The following ALDH1A2 variants were observed in gnomAD, a reference collection of about 807,000 sequenced individuals.
The protein encoded by ALDH1A2 is aldehyde dehydrogenase 1 family member A2, also known as retinal dehydrogenase 2.
ALDH1A2 carries 27 observed loss-of-function variants against 60.3 expected under a neutral mutation model. The ratio of observed to expected loss-of-function variants is 0.45; its 90% CI spans 0.33 to 0.62. ALDH1A2 has a LOEUF of 0.62. Among genes scored for constraint, ALDH1A2 ranks in the 20% least tolerant of loss-of-function variants. The pLI is 0.02. For synonymous variants in ALDH1A2, 289 were observed against 232.4 expected (o/e 1.24, Z -2.21); for missense variants, 581 against 643.8 (o/e 0.90, Z 1.06).
At chr15:58,057,493 C>T (rs998266899) in intron 1 of ALDH1A2, among the ~76,000 whole-genome samples, 1 of 152,054 alleles carries the variant, frequency 6.6e-6, no homozygotes, top group African/African-American at 2.4e-5. Context: ...AAATTAGAAG[C>T]AAATACTGCA....
intron 7 of ALDH1A2, among the ~76,000 whole-genome samples, chr15:57,971,452 G>T (rs990373650): frequency 1.3e-5 from 2 of 152,128 alleles, no homozygotes; most frequent in East Asian, 1.9e-4. Flanking sequence ...TTAAGACAGG[G>T]TCTCACTCTC....
intron 7 of ALDH1A2, chr15:57,980,099 A>G: frequency 3.3e-6 from 1 of 303,686 alleles, no homozygotes; most frequent in South Asian, 3.5e-5. Context: ...CACGCCATAC[A>G]CGGTCATGCC....
intron 1 of ALDH1A2, among the ~76,000 whole-genome samples, chr15:58,058,829 T>C (rs1486760964): frequency 3.9e-5 from 6 of 152,164 alleles, no homozygotes; most frequent in African/African-American, 1.2e-4. Flanking sequence ...CTTCCTTCTA[T>C]AATAAAAATT....
chr15:58,051,069 T>C (rs1037632803), intron 1 of ALDH1A2, among the ~76,000 whole-genome samples: 2 of 152,174 alleles, frequency 1.3e-5, no homozygotes, highest in African/African-American at 2.4e-5. Context: ...TATAAGTAGT[T>C]AAAGAAGAAT....
chr15:58,037,506 T>C (rs565874563), intron 1 of ALDH1A2, among the ~76,000 whole-genome samples: 2 of 151,884 alleles, frequency 1.3e-5, no homozygotes, highest in African/African-American at 4.8e-5. Context: ...TAACTAGCTT[T>C]ATTTTTTTTC....
intron 1 of ALDH1A2, among the ~76,000 whole-genome samples, chr15:58,063,799 T>G (rs1320772761): frequency 6.6e-6 from 1 of 152,178 alleles, no homozygotes; most frequent in Non-Finnish European, 1.5e-5. Context: ...CATTTCTGAT[T>G]GTTTTTCTTT....
chr15:58,024,007 C>T lies in ALDH1A2; in HGVS notation c.118-9726G>A, dbSNP rs1031320065. ...ACTGGGAAGGCTGAGGCAGGAGAAT[C>T]GCTTGAACCTGGGAGGTGGAGGTTG... On this transcript the variant is annotated intron_variant, in intron 1 of 12. Transcript: ENST00000249750. Among the ~76,000 whole-genome samples, 8 of 152,240 alleles carry T rather than the reference C, an allele frequency of 5.3e-5. No individual in the cohort carries two copies. The East Asian group carries it at 7.7e-4, about 15-fold the overall frequency.
Position 57,992,995 on chromosome 15 carries a change from C to T in ALDH1A2, c.634G>A (p.Ala212Thr). Residue 212 changes from alanine to threonine, a missense_variant, in exon 6 of 13, where the codon GCA becomes ACA. By Grantham distance (58) the Ala-to-Thr change is moderately conservative. Coordinates refer to ENST00000249750, the MANE Select transcript of ALDH1A2 (RefSeq NM_003888.4). ...AGTGCACTGAGTGGTGTTTGCTCTGCTGGCTTAATAACTACTGTATTGCCA... is the reference window on the plus strand; with the variant it reads ...AGTGCACTGAGTGGTGTTTGCTCTGTTGGCTTAATAACTACTGTATTGCCA... ...CCGNTVVIKP[A>T]EQTPLSALYM... 6.2e-7 allele frequency: 1 copy of T among 1,613,948 alleles called. No individual in the cohort carries two copies. Among genetic ancestry groups the T allele is most frequent in the Non-Finnish European group, 8.5e-7 (1 of 1,179,984 alleles).
chr15:58,011,036 T>C (rs1172656389), intron 3 of ALDH1A2, among the ~76,000 whole-genome samples: 1 of 152,188 alleles, frequency 6.6e-6, no homozygotes, highest in Admixed American at 6.5e-5. Context: ...AACACAATAT[T>C]TCTTTAACTA....
chr15:58,033,680 CTCTT>C (rs751829401), intron 1 of ALDH1A2, among the ~76,000 whole-genome samples: 2 of 122,134 alleles, frequency 1.6e-5, no homozygotes, highest in African/African-American at 3.0e-5. Context: ...AGTGTTAGGA[CTCTT>C]TTTTTTTTTT....
intron 12 of ALDH1A2, among the ~76,000 whole-genome samples, chr15:57,955,643 T>C (rs1893497247): frequency 6.6e-6 from 1 of 152,186 alleles, no homozygotes; most frequent in Non-Finnish European, 1.5e-5. Context: ...CTGAGTGCTG[T>C]GGGCAGCGGT....
At chr15:57,959,034 G>A (rs529388843) in intron 12 of ALDH1A2, among the ~76,000 whole-genome samples, 3 of 152,280 alleles carry the variant, frequency 2.0e-5, no homozygotes, top group African/African-American at 7.2e-5. Flanking sequence ...TCTGGGCAAG[G>A]AGAACATTTC....
chr15:58,023,401 T>A (rs1895986334), intron 1 of ALDH1A2, among the ~76,000 whole-genome samples: 1 of 152,168 alleles, frequency 6.6e-6, no homozygotes, highest in Non-Finnish European at 1.5e-5. Flanking sequence ...GATGAAAACT[T>A]GCCAAGCCTA....
chr15:58,027,429 A>T (rs1305990170), intron 1 of ALDH1A2, among the ~76,000 whole-genome samples: 3 of 152,236 alleles, frequency 2.0e-5, no homozygotes, highest in Admixed American at 1.3e-4. Flanking sequence ...AACCACAAAG[A>T]TGGGGAGAAG....
At position 58,030,182 on chromosome 15, in the gene ALDH1A2, T is replaced by G. The variant is rs1460982162; in HGVS notation, c.118-15901A>C. On this transcript the variant is annotated intron_variant, in intron 1 of 12. Transcript: ENST00000249750. The stretch of plus-strand genomic sequence containing the variant: ...CAAATCCAGCAGCACATCAAAAAGC[T>G]TATCCAACACAATCAAGTTGGCTTC... 2.0e-5 allele frequency among the ~76,000 whole-genome samples: 3 copies of G among 152,300 alleles called. No homozygotes were observed. The East Asian group carries it at 5.8e-4, about 29-fold the overall frequency.
intron 4 of ALDH1A2, among the ~76,000 whole-genome samples, chr15:58,001,380 TAAAC>T (rs368579045): frequency 7.3e-5 from 11 of 151,628 alleles, no homozygotes; most frequent in African/African-American, 2.7e-4. Flanking sequence ...GGGGTAAAAA[TAAAC>T]AAAGAAAAAA....
intron 1 of ALDH1A2, among the ~76,000 whole-genome samples, chr15:58,056,064 A>C (rs1316795606): frequency 1.3e-5 from 2 of 152,136 alleles, no homozygotes; most frequent in Non-Finnish European, 2.9e-5. Flanking sequence ...GCAAGAGTAC[A>C]ACCACAGCTA....
At chr15:58,016,122 G>A (rs1271241892) in intron 1 of ALDH1A2, among the ~76,000 whole-genome samples, 3 of 151,142 alleles carry the variant, frequency 2.0e-5, no homozygotes, top group East Asian at 3.9e-4. Context: ...GTATCACCAA[G>A]GCCCACTGAT....
intron 1 of ALDH1A2, among the ~76,000 whole-genome samples, chr15:58,051,358 T>C (rs1345864005): frequency 2.2e-5 from 3 of 134,094 alleles, no homozygotes; most frequent in Non-Finnish European, 5.3e-5. Flanking sequence ...TAATTTTCTC[T>C]TTTTATTTAT....
Sources: allele counts gnomAD v4.1 joint callset (sites outside exome capture counted in the v4.1 genomes callset), GRCh38; gene constraint gnomAD v4.1.1; transcripts MANE v1.5; gene names NCBI Gene and HGNC (gene_info 2026-07-23, HGNC 2026-07-21).